Variants in BSPH1 observed in about 807,000 individuals in gnomAD.
BSPH1 encodes binder of sperm protein homolog 1.
In BSPH1, 21 loss-of-function variants were observed where a neutral mutation model predicts 22.5. The observed-to-expected ratio is 0.93, with a 90% CI of 0.66 to 1.35. The LOEUF (loss-of-function observed/expected upper bound fraction) is 1.35. Ranked by LOEUF, BSPH1 falls within the 40% of genes most tolerant of loss-of-function variation. The probability of loss-of-function intolerance (pLI) is 0.00; values close to 1 mark genes in which losing one functional copy is unlikely to be tolerated. For synonymous variants in BSPH1, 42 were observed against 53.6 expected, an observed-to-expected ratio of 0.78 and a Z score of 0.95; for missense variants, 141 against 154.2, an observed-to-expected ratio of 0.91 and a Z score of 0.45.
At chr19:47,989,999 G>C (rs911151968) in intron 1 of BSPH1, among the ~76,000 whole-genome samples, 1 of 151,352 alleles carries the variant, frequency 6.6e-6, no homozygotes, top group African/African-American at 2.4e-5. Flanking sequence ...CGTGCCTTTA[G>C]TCCCAGCTAC....
At chr19:47,984,477 A>T (rs1033712263) in intron 1 of BSPH1, among the ~76,000 whole-genome samples, 2 of 152,050 alleles carry the variant, frequency 1.3e-5, no homozygotes, top group Non-Finnish European at 2.9e-5. Context: ...TTCTGTTATA[A>T]TATATAAGGT....
At chr19:47,980,852 T>C (rs1600089152) in intron 2 of BSPH1, 69 bp downstream of exon 2, 2 of 830,334 alleles carry the variant, frequency 2.4e-6, no homozygotes, top group African/African-American at 1.8e-5. Flanking sequence ...AAGGGAATAC[T>C]CAATGGTTTC....
At chr19:47,990,860 A>G (rs1272176133) in intron 1 of BSPH1, among the ~76,000 whole-genome samples, 4 of 152,222 alleles carry the variant, frequency 2.6e-5, no homozygotes, top group Non-Finnish European at 5.9e-5. Flanking sequence ...TCTCATTTTC[A>G]AAACCTCTGC....
At chr19:47,975,719 G>A (rs1470172834) in intron 5 of BSPH1, among the ~76,000 whole-genome samples, 3 of 145,734 alleles carry the variant, frequency 2.1e-5, no homozygotes, top group Non-Finnish European at 3.0e-5. Flanking sequence ...GCAGTGGTGC[G>A]ATCTCGGCTC....
intron 1 of BSPH1, among the ~76,000 whole-genome samples, chr19:47,983,269 G>A (rs1969436034): frequency 6.6e-6 from 1 of 152,160 alleles, no homozygotes; most frequent in African/African-American, 2.4e-5. Flanking sequence ...GATTCAGGTG[G>A]GAATCCAAGA....
chr19:47,980,711 C>T (rs1600089053), intron 2 of BSPH1, among the ~76,000 whole-genome samples: 1 of 151,966 alleles, frequency 6.6e-6, no homozygotes, highest in Non-Finnish European at 1.5e-5. Flanking sequence ...ACCTCGTGAT[C>T]CCCCTGCCTC....
intron 5 of BSPH1, among the ~76,000 whole-genome samples, chr19:47,969,891 TGTGA>T (rs368868997): frequency 6.8e-4 from 103 of 151,842 alleles, no homozygotes; most frequent in African/African-American, 2.4e-3. Flanking sequence ...TTTTTGTGTG[TGTGA>T]GAGAGAGACT....
At chr19:47,976,616 A>G (rs1969366857) in intron 5 of BSPH1, 94 bp downstream of exon 5, 2 of 880,766 alleles carry the variant, frequency 2.3e-6, no homozygotes, top group South Asian at 3.9e-5. Context: ...ACCCTCTCTA[A>G]TGAGAAAGGG....
chr19:47,967,668 C>T (rs1969271359), downstream of BSPH1, among the ~76,000 whole-genome samples: 1 of 152,156 alleles, frequency 6.6e-6, no homozygotes, highest in South Asian at 2.1e-4. Context: ...ACTCTGAATA[C>T]CTCATCTTAG....
At chr19:47,987,385 C>CT (rs11289833) in intron 1 of BSPH1, among the ~76,000 whole-genome samples, 6,456 of 136,980 alleles carry the variant, frequency 0.047, 395 homozygotes, top group East Asian at 0.14. Flanking sequence ...TTAGTACTTA[C>CT]TTTTTTTTTT....
chr19:47,984,829 C>T (rs1224972037), intron 1 of BSPH1, among the ~76,000 whole-genome samples: 2 of 152,034 alleles, frequency 1.3e-5, no homozygotes, highest in African/African-American at 4.8e-5. Flanking sequence ...GTAATCCCAG[C>T]ACTTTGGGAA....
chr19:47,977,817 T>G (rs1251147998), intron 3 of BSPH1: 3 of 281,718 alleles, frequency 1.1e-5, no homozygotes, highest in Non-Finnish European at 1.6e-5. Flanking sequence ...TACCCAACAA[T>G]TCTTCCCCCC....
intron 3 of BSPH1, among the ~76,000 whole-genome samples, chr19:47,978,028 A>G (rs1326778718): frequency 7.4e-6 from 1 of 135,360 alleles, no homozygotes; most frequent in Non-Finnish European, 1.6e-5. Flanking sequence ...ATATATATAT[A>G]TAGTTATAGG....
intron 1 of BSPH1, among the ~76,000 whole-genome samples, 198 bp from the exon 2 acceptor site, chr19:47,981,139 T>C (rs79247627): frequency 0.076 from 11,591 of 152,218 alleles, 573 homozygotes; most frequent in East Asian, 0.27. Context: ...TTTCAAATAT[T>C]ATTAAAGGAT....
At chr19:47,988,624 A>G (rs902935336) in intron 1 of BSPH1, among the ~76,000 whole-genome samples, 4 of 152,040 alleles carry the variant, frequency 2.6e-5, no homozygotes, top group Admixed American at 2.0e-4. Flanking sequence ...GCAATGCAAG[A>G]TTCACATTTT....
chr19:47,985,748 T>A (rs1969464323), intron 1 of BSPH1, among the ~76,000 whole-genome samples: 1 of 150,782 alleles, frequency 6.6e-6, no homozygotes, highest in African/African-American at 2.4e-5. Flanking sequence ...GGCAGGAGAA[T>A]CACTTGAACC....
At position 47,988,664 on chromosome 19, in the gene BSPH1, C is replaced by T. The variant is rs533933226; in HGVS notation, c.73+3345G>A. ...CAAACGTTTGTTGACATCAAACGAT[C>T]GGTTGGTGGGCAGTCCTACCGCACC... On this transcript the variant is annotated intron_variant, in intron 1 of 5. Transcript: ENST00000344839. 6.6e-5 allele frequency among the ~76,000 whole-genome samples: 10 copies of T among 152,188 alleles called. No homozygotes were observed. The East Asian group carries it at 1.4e-3, about 21-fold the overall frequency.
chr19:47,987,943 C>T (rs762272784), intron 1 of BSPH1, among the ~76,000 whole-genome samples: 3 of 152,024 alleles, frequency 2.0e-5, no homozygotes, highest in Non-Finnish European at 2.9e-5. Context: ...TTGCAGTGTG[C>T]TGAGATCACA....
chr19:47,975,870 C>T (rs373202311), intron 5 of BSPH1, among the ~76,000 whole-genome samples: 51 of 151,814 alleles, frequency 3.4e-4, no homozygotes, highest in East Asian at 2.0e-3. Context: ...TTAGCCAGGA[C>T]GGTCTCGATC....
Sources: gnomAD v4.1 joint callset for allele counts (sites outside exome capture counted in the v4.1 genomes callset) on GRCh38, gnomAD v4.1.1 for gene constraint, MANE v1.5 for transcripts, NCBI Gene and HGNC (gene_info 2026-07-23, HGNC 2026-07-21) for gene names.